Variants in IMMP2L observed in about 807,000 individuals in gnomAD.
IMMP2L encodes inner mitochondrial membrane peptidase subunit 2.
Under a neutral mutation model 19.3 loss-of-function variants are expected in IMMP2L, and 18 were observed. That is an observed-to-expected ratio of 0.93 (90% CI 0.64 to 1.38). The LOEUF (loss-of-function observed/expected upper bound fraction) is 1.38. Ranked by LOEUF, IMMP2L falls within the 40% of genes most tolerant of loss-of-function variation. IMMP2L has a pLI of 0.00. For synonymous variants in IMMP2L, 76 were observed against 73.0 expected, an observed-to-expected ratio of 1.04 and a Z score of -0.21; for missense variants, 233 against 218.2, an observed-to-expected ratio of 1.07 and a Z score of -0.43.
chr7:111,420,435 A>G (rs1296524931), intron 3 of IMMP2L, among the ~76,000 whole-genome samples: 1 of 151,766 alleles, frequency 6.6e-6, no homozygotes, highest in Non-Finnish European at 1.5e-5. Context: ...TTCAAGTTCT[A>G]GGGTACATGT....
At chr7:111,232,910 G>A (rs1465374933) in intron 3 of IMMP2L, among the ~76,000 whole-genome samples, 2 of 151,972 alleles carry the variant, frequency 1.3e-5, no homozygotes, top group East Asian at 3.9e-4. Context: ...CAGCTCCTCT[G>A]GAAAGGAGTT....
intron 4 of IMMP2L, among the ~76,000 whole-genome samples, chr7:110,889,857 G>A (rs1275336842): frequency 1.3e-5 from 2 of 152,170 alleles, no homozygotes; most frequent in Non-Finnish European, 2.9e-5. Flanking sequence ...AACTCAAAAA[G>A]TTATTCTATA....
intron 3 of IMMP2L, chr7:111,124,845 T>C (rs983213921): frequency 2.5e-6 from 4 of 1,609,576 alleles, no homozygotes; most frequent in African/African-American, 2.7e-5. Flanking sequence ...AAGAAAAAAG[T>C]ACATCACTGA....
chr7:111,118,281 T>C (rs1034741360), intron 3 of IMMP2L, among the ~76,000 whole-genome samples: 2 of 152,080 alleles, frequency 1.3e-5, no homozygotes, highest in East Asian at 1.9e-4. Context: ...CAATATTTCA[T>C]AAATGATGAA....
At chr7:111,097,854 T>C (rs1797567942) in intron 3 of IMMP2L, among the ~76,000 whole-genome samples, 1 of 151,716 alleles carries the variant, frequency 6.6e-6, no homozygotes, top group Non-Finnish European at 1.5e-5. Context: ...TTGCAGGAAA[T>C]AATTTCAATA....
intron 4 of IMMP2L, among the ~76,000 whole-genome samples, chr7:110,931,694 C>A (rs141731922): frequency 6.6e-6 from 1 of 152,130 alleles, no homozygotes; most frequent in African/African-American, 2.4e-5. Context: ...ACATATTAAT[C>A]AAATCATGTC....
chr7:111,153,863 C>T (rs1804340535), intron 3 of IMMP2L, among the ~76,000 whole-genome samples: 1 of 151,990 alleles, frequency 6.6e-6, no homozygotes, highest in African/African-American at 2.4e-5. Flanking sequence ...GTACCAGAGA[C>T]TTTTTCTCCC....
At chr7:110,786,476 T>C (rs554161243) in intron 5 of IMMP2L, among the ~76,000 whole-genome samples, 1 of 151,992 alleles carries the variant, frequency 6.6e-6, no homozygotes, top group Admixed American at 6.6e-5. Context: ...CACTGGAAAA[T>C]GGAGGAAATG....
intron 3 of IMMP2L, among the ~76,000 whole-genome samples, chr7:111,298,621 T>G (rs1048097141): frequency 3.3e-5 from 5 of 151,876 alleles, no homozygotes; most frequent in African/African-American, 1.2e-4. Flanking sequence ...CTGGGCATGG[T>G]GGCAGGTGCC....
chr7:111,061,705 C>G (rs1260820790), intron 3 of IMMP2L, among the ~76,000 whole-genome samples: 2 of 152,224 alleles, frequency 1.3e-5, no homozygotes, highest in Non-Finnish European at 2.9e-5. Context: ...CCACTTTGCA[C>G]TGTTCCCACC....
chr7:111,467,923 A>C (rs1840836214), intron 3 of IMMP2L, among the ~76,000 whole-genome samples: 1 of 152,186 alleles, frequency 6.6e-6, no homozygotes, highest in Non-Finnish European at 1.5e-5. Context: ...CAGCTAAGGC[A>C]AATGAGGTTA....
intron 3 of IMMP2L, among the ~76,000 whole-genome samples, chr7:111,239,667 T>C (rs1163829936): frequency 1.3e-5 from 2 of 151,904 alleles, no homozygotes; most frequent in African/African-American, 4.8e-5. Flanking sequence ...TCCAGAAAAC[T>C]TAATCTTCTC....
chr7:111,099,422 T>A (rs904490287), intron 3 of IMMP2L, among the ~76,000 whole-genome samples: 3 of 151,754 alleles, frequency 2.0e-5, no homozygotes, highest in African/African-American at 7.2e-5. Flanking sequence ...GCAAAGTTAA[T>A]TGATGAAAGC....
chr7:111,233,655 A>G (rs1205724828), intron 3 of IMMP2L, among the ~76,000 whole-genome samples: 1 of 152,108 alleles, frequency 6.6e-6, no homozygotes, highest in Non-Finnish European at 1.5e-5. Flanking sequence ...TTGTAAGTAT[A>G]TATTTGTTTG....
At chr7:111,423,562 C>A (rs573394601) in intron 3 of IMMP2L, among the ~76,000 whole-genome samples, 2 of 151,570 alleles carry the variant, frequency 1.3e-5, no homozygotes, top group Admixed American at 6.6e-5. Flanking sequence ...GGTGGTTATA[C>A]CCCCTTTATC....
intron 3 of IMMP2L, among the ~76,000 whole-genome samples, chr7:111,070,358 C>G (rs1481273256): frequency 6.6e-6 from 1 of 152,262 alleles, no homozygotes; most frequent in East Asian, 1.9e-4. Context: ...TGCACTGCTT[C>G]TGTCATGGCA....
chr7:110,913,809 A>G (rs1390169071), intron 4 of IMMP2L, among the ~76,000 whole-genome samples: 1 of 152,138 alleles, frequency 6.6e-6, no homozygotes, highest in African/African-American at 2.4e-5. Context: ...AAACAAAAAG[A>G]AGTCAGAGGG....
chr7:111,383,023 T>A (rs950553893), intron 3 of IMMP2L, among the ~76,000 whole-genome samples: 8 of 152,120 alleles, frequency 5.3e-5, no homozygotes, highest in African/African-American at 1.9e-4. Context: ...TCATCTATAC[T>A]CTACTACACA....
At chr7:111,294,204 C>A (rs1821395393) in intron 3 of IMMP2L, among the ~76,000 whole-genome samples, 1 of 151,738 alleles carries the variant, frequency 6.6e-6, no homozygotes, top group Non-Finnish European at 1.5e-5. Flanking sequence ...GTGGCAAAAT[C>A]AGAACAAGAG....
Sources: gnomAD v4.1 joint callset for allele counts (sites outside exome capture counted in the v4.1 genomes callset) on GRCh38, gnomAD v4.1.1 for gene constraint, MANE v1.5 for transcripts, NCBI Gene and HGNC (gene_info 2026-07-23, HGNC 2026-07-21) for gene names.